GPR158: variants seen among roughly 807,000 people sequenced by gnomAD.
The protein encoded by GPR158 is G protein-coupled receptor 158.
A neutral mutation model predicts 78.2 loss-of-function variants in GPR158; 30 were observed. That is an observed-to-expected ratio of 0.38 (90% confidence interval 0.29 to 0.52). The LOEUF (loss-of-function observed/expected upper bound fraction) is 0.52. Among genes scored for constraint, GPR158 ranks in the 20% least tolerant of loss-of-function variants. GPR158 has a pLI of 0.83. For missense variants in GPR158, 1,463 were observed against 1,523.5 expected (o/e 0.96, Z 0.66); for synonymous variants, 581 against 591.1 (o/e 0.98, Z 0.25).
intron 2 of GPR158, among the ~76,000 whole-genome samples, chr10:25,238,634 T>C (rs1853561939): frequency 6.6e-6 from 1 of 152,188 alleles, no homozygotes; most frequent in Non-Finnish European, 1.5e-5. Context: ...GTTTGGGGAT[T>C]TACTTTCTAG....
chr10:25,348,505 A>G (rs1358419533), intron 2 of GPR158, among the ~76,000 whole-genome samples: 2 of 151,800 alleles, frequency 1.3e-5, no homozygotes, highest in African/African-American at 4.8e-5. Context: ...TTATAATATT[A>G]ATAGCACTAA....
At chr10:25,270,428 G>A (rs1331679494) in intron 2 of GPR158, among the ~76,000 whole-genome samples, 1 of 152,086 alleles carries the variant, frequency 6.6e-6, no homozygotes, top group African/African-American at 2.4e-5. Flanking sequence ...TGGAATTCCT[G>A]GAAGGCATGC....
intron 2 of GPR158, among the ~76,000 whole-genome samples, chr10:25,323,185 TA>T (rs1180052403): frequency 3.3e-5 from 5 of 152,138 alleles, no homozygotes; most frequent in African/African-American, 1.2e-4. Context: ...AAATATTCAG[TA>T]AGCCATGCTA....
chr10:25,484,607 G>A (rs1456028494), intron 5 of GPR158, among the ~76,000 whole-genome samples: 1 of 152,222 alleles, frequency 6.6e-6, no homozygotes, highest in East Asian at 1.9e-4. Context: ...CGAAAGATAA[G>A]AAATGTTGTC....
rs558412950 is a variant in GPR158 at position 25,293,343 on chromosome 10, C to G, written c.1008+72186C>G. Among the ~76,000 whole-genome samples the G allele has an allele frequency of 7.9e-5, 12 of 152,174 alleles. No homozygotes were observed. In the Middle Eastern group the frequency reaches 9.5e-3, roughly 120 times the overall value. ...CTGAACCTGGTTTCTGACTCTCCCA[C>G]TTACATAGTAGGTATGGTCTGCCTA... On this transcript the variant is annotated intron_variant, in intron 2 of 10. Transcript: ENST00000376351.
At chr10:25,323,194 C>CTA (rs1854981063) in intron 2 of GPR158, among the ~76,000 whole-genome samples, 1 of 152,096 alleles carries the variant, frequency 6.6e-6, no homozygotes, top group Admixed American at 6.6e-5. Flanking sequence ...GTAAGCCATG[C>CTA]TATACACAGT....
chr10:25,504,644 C>T (rs546279754), intron 5 of GPR158, among the ~76,000 whole-genome samples: 1 of 152,216 alleles, frequency 6.6e-6, no homozygotes, highest in African/African-American at 2.4e-5. Context: ...CCCCGAGTGC[C>T]TGACTTCATT....
intron 1 of GPR158, among the ~76,000 whole-genome samples, chr10:25,195,807 A>C (rs1034970560): frequency 3.3e-5 from 5 of 152,216 alleles, no homozygotes; most frequent in African/African-American, 7.2e-5. Flanking sequence ...CCCGTGCCAG[A>C]AAATGTCTTC....
chr10:25,510,862 G>A (rs1348233932), intron 5 of GPR158, among the ~76,000 whole-genome samples: 1 of 152,168 alleles, frequency 6.6e-6, no homozygotes, highest in Non-Finnish European at 1.5e-5. Context: ...CCGGGTTGCT[G>A]TGAATGCTAT....
chr10:25,265,818 T>C (rs1451487608), intron 2 of GPR158, among the ~76,000 whole-genome samples: 2 of 152,194 alleles, frequency 1.3e-5, no homozygotes, highest in Non-Finnish European at 1.5e-5. Flanking sequence ...CTTGGTTTTG[T>C]TCAGAACTGC....
intron 5 of GPR158, among the ~76,000 whole-genome samples, chr10:25,543,524 A>C (rs1280297387): frequency 6.6e-6 from 1 of 152,192 alleles, no homozygotes; most frequent in Non-Finnish European, 1.5e-5. Flanking sequence ...ATTTTGTTAC[A>C]TGGCTGTAGT....
chr10:25,485,034 G>A (rs1835715294), intron 5 of GPR158, among the ~76,000 whole-genome samples: 1 of 151,788 alleles, frequency 6.6e-6, no homozygotes, highest in Admixed American at 6.6e-5. Flanking sequence ...TTATCTCTGT[G>A]GTCTTATAGG....
intron 6 of GPR158, among the ~76,000 whole-genome samples, chr10:25,559,696 A>G (rs1836837268): frequency 6.6e-6 from 1 of 152,238 alleles, no homozygotes. Flanking sequence ...TATTTTATGT[A>G]CAGAAAAAAT....
At chr10:25,185,035 A>T (rs767669154) in intron 1 of GPR158, among the ~76,000 whole-genome samples, 11 of 152,194 alleles carry the variant, frequency 7.2e-5, no homozygotes, top group Non-Finnish European at 1.5e-4. Flanking sequence ...GCTTCTATCC[A>T]TTAGATGCCA....
chr10:25,599,132 C>G lies in GPR158; in HGVS notation c.3506C>G (p.Ala1169Gly). ...NNFQQPLTSRAEVCPWEFETP... is the reference protein window; with the variant it reads ...NNFQQPLTSRGEVCPWEFETP... The stretch of plus-strand genomic sequence containing the variant: ...TTCCAGCAACCTTTAACATCACGAG[C>G]AGAGGTTTGTCCTTGGGAGTTTGAG... The change falls in exon 11 of 11, where the codon GCA (alanine) becomes GGA (glycine). Residue 1169 changes from alanine to glycine, a missense_variant. By Grantham distance (60) the Ala-to-Gly change is moderately conservative. Transcript: ENST00000376351. 3 of 1,611,274 alleles carry G rather than the reference C, an allele frequency of 1.9e-6. No individual in the cohort carries two copies. Among genetic ancestry groups the G allele is most frequent in the Non-Finnish European group, 2.5e-6 (3 of 1,179,958 alleles).
At chr10:25,326,431 G>T (rs1468822490) in intron 2 of GPR158, among the ~76,000 whole-genome samples, 1 of 151,824 alleles carries the variant, frequency 6.6e-6, no homozygotes, top group Non-Finnish European at 1.5e-5. Context: ...ATATATTTTG[G>T]ATGTTATTTC....
chr10:25,255,809 C>T (rs1390850328), intron 2 of GPR158, among the ~76,000 whole-genome samples: 1 of 152,088 alleles, frequency 6.6e-6, no homozygotes, highest in Non-Finnish European at 1.5e-5. Flanking sequence ...TCAAAATCAA[C>T]TGATTTGAGA....
intron 6 of GPR158, among the ~76,000 whole-genome samples, chr10:25,564,998 C>T (rs1564491458): frequency 6.6e-6 from 1 of 152,138 alleles, no homozygotes; most frequent in Non-Finnish European, 1.5e-5. Context: ...CCATTTTCAG[C>T]ACTGAACCTC....
chr10:25,370,518 C>G (rs546953826), intron 2 of GPR158, among the ~76,000 whole-genome samples: 1 of 134,098 alleles, frequency 7.5e-6, no homozygotes, highest in East Asian at 2.0e-4. Context: ...TTTGATTGCA[C>G]TGTGGTCTGA....
Sources: allele counts gnomAD v4.1 joint callset (sites outside exome capture counted in the v4.1 genomes callset), GRCh38; gene constraint gnomAD v4.1.1; transcripts MANE v1.5; gene names NCBI Gene and HGNC (gene_info 2026-07-23, HGNC 2026-07-21).